Variants in VSTM2A observed in about 807,000 individuals in gnomAD.
VSTM2A encodes the protein V-set and transmembrane domain containing 2A, also known as V-set and transmembrane domain-containing protein 2A.
A neutral mutation model predicts 27.3 loss-of-function variants in VSTM2A; 13 were observed. The observed-to-expected ratio is 0.48, with a 90% CI of 0.31 to 0.76. The LOEUF is 0.76. Among genes scored for constraint, VSTM2A ranks in the 30% least tolerant of loss-of-function variants. The pLI is 0.05. For synonymous variants in VSTM2A, 142 were observed against 125.7 expected (o/e 1.13, Z -0.87); for missense variants, 280 against 310.0 (o/e 0.90, Z 0.73).
chr7:54,564,561 T>C (rs1300789625), intron 4 of VSTM2A, among the ~76,000 whole-genome samples: 1 of 152,226 alleles, frequency 6.6e-6, no homozygotes, highest in Middle Eastern at 3.2e-3. Flanking sequence ...AGTTGTTTAC[T>C]TAGTTTTCTC....
At chr7:54,546,067 A>C (rs1303435490) in intron 2 of VSTM2A, 3 of 122,724 alleles carry the variant, frequency 2.4e-5, no homozygotes, top group African/African-American at 9.5e-5. Flanking sequence ...AGAGGGAAGG[A>C]GAGGAAAAGG....
chr7:54,545,277 T>C (rs1403555831), intron 2 of VSTM2A, among the ~76,000 whole-genome samples: 1 of 147,778 alleles, frequency 6.8e-6, no homozygotes, highest in Non-Finnish European at 1.5e-5. Context: ...CTAACAGATA[T>C]GTGGGGTGTC....
chr7:54,544,047 G>C (rs889292943), intron 1 of VSTM2A, among the ~76,000 whole-genome samples: 1 of 152,304 alleles, frequency 6.6e-6, no homozygotes, highest in East Asian at 1.9e-4. Flanking sequence ...AACAAATAAA[G>C]GTTAATTTGG....
intron 3 of VSTM2A, among the ~76,000 whole-genome samples, chr7:54,548,401 A>G (rs140905375): frequency 6.6e-6 from 1 of 151,840 alleles, no homozygotes; most frequent in Non-Finnish European, 1.5e-5. Context: ...CTCAACCACT[A>G]GTTATTAACT....
At chr7:54,546,487 C>G (rs1222979994) in intron 2 of VSTM2A, among the ~76,000 whole-genome samples, 1 of 151,650 alleles carries the variant, frequency 6.6e-6, no homozygotes, top group African/African-American at 2.4e-5. Context: ...AAAATTCGTC[C>G]CGGAGCACTT....
chr7:54,567,269 T>C (rs2115946889), intron 4 of VSTM2A, among the ~76,000 whole-genome samples: 1 of 152,362 alleles, frequency 6.6e-6, no homozygotes, highest in Admixed American at 6.5e-5. Context: ...GTTGAATGAT[T>C]ACAATCTGAA....
rs1787816028 is a variant in VSTM2A at position 54,542,589 on chromosome 7, C to G, written c.-142C>G. On this transcript the variant is annotated 5_prime_UTR_variant, in exon 1 of 5. Transcript: ENST00000402613. Reference sequence around the variant, plus strand: ...AATCGCAATCCCTTCTCCCCACAGCCAGCCCTCGCCAAGCAAGCAGCAGGA... The same window carrying G: ...AATCGCAATCCCTTCTCCCCACAGCGAGCCCTCGCCAAGCAAGCAGCAGGA... The G allele has an allele frequency of 1.4e-6, 1 of 710,674 alleles. No individual in the cohort carries two copies. The highest frequency in any genetic ancestry group is 1.8e-5 in the African/African-American group (1 of 56,296). 44.0% of individuals were successfully genotyped at this position (710,674 alleles called of 1,614,324 possible).
chr7:54,546,875 G>A, intron 2 of VSTM2A, 72 bp from the exon 3 acceptor site: 1 of 1,584,298 alleles, frequency 6.3e-7, no homozygotes, highest in East Asian at 2.3e-5. Context: ...GAGCCGCGAA[G>A]GCTATGCTCG....
chr7:54,565,537 A>G (rs1442202826), intron 4 of VSTM2A, among the ~76,000 whole-genome samples: 2 of 152,214 alleles, frequency 1.3e-5, no homozygotes, highest in Non-Finnish European at 2.9e-5. Context: ...GAGCACTTCT[A>G]CCTGGCAGAC....
At chr7:54,549,355 G>T (rs1399636735) in intron 3 of VSTM2A, among the ~76,000 whole-genome samples, 1 of 152,224 alleles carries the variant, frequency 6.6e-6, no homozygotes, top group Non-Finnish European at 1.5e-5. Context: ...TCATCCCAGT[G>T]TGGGGATACA....
At chr7:54,556,514 G>A (rs1161598177) in intron 4 of VSTM2A, among the ~76,000 whole-genome samples, 1 of 152,144 alleles carries the variant, frequency 6.6e-6, no homozygotes, top group Non-Finnish European at 1.5e-5. Context: ...CTGCTTTGAG[G>A]TAGAGTCAGT....
intron 4 of VSTM2A, among the ~76,000 whole-genome samples, chr7:54,567,594 T>G (rs1011206980): frequency 2.6e-5 from 4 of 152,194 alleles, no homozygotes; most frequent in African/African-American, 9.7e-5. Context: ...GCAATGCCCA[T>G]GCTGAAAAGA....
intron 2 of VSTM2A, among the ~76,000 whole-genome samples, chr7:54,545,339 G>C (rs1254775750): frequency 1.3e-5 from 2 of 149,924 alleles, no homozygotes; most frequent in East Asian, 4.0e-4. Context: ...GGGAGAGAAG[G>C]AGAGAAGAAA....
At position 54,569,522 on chromosome 7, in the gene VSTM2A, G is replaced by T. The variant is rs1788826962; in HGVS notation, c.*303G>T. ...TCAGGAAGCAAACAGAGATCAAAAG[G>T]CTACAGAACAGAAGCTATCATCAGA... On this transcript the variant is annotated 3_prime_UTR_variant, in exon 5 of 5. Transcript: ENST00000402613. The T allele has an allele frequency of 5.5e-6, 2 of 361,918 alleles. No individual in the cohort carries two copies. Among genetic ancestry groups the T allele is most frequent in the Non-Finnish European group, 5.0e-6 (1 of 198,796 alleles). 22.4% of individuals were successfully genotyped at this position (361,918 alleles called of 1,614,324 possible).
chr7:54,566,149 G>T (rs930281706), intron 4 of VSTM2A, among the ~76,000 whole-genome samples: 1 of 152,178 alleles, frequency 6.6e-6, no homozygotes, highest in African/African-American at 2.4e-5. Flanking sequence ...AATAGATGTC[G>T]AAGGACGTTA....
chr7:54,548,310 T>A (rs908720812), intron 3 of VSTM2A, among the ~76,000 whole-genome samples: 1 of 152,094 alleles, frequency 6.6e-6, no homozygotes, highest in East Asian at 1.9e-4. Context: ...AGTTAATGAG[T>A]AGAAGAGAGT....
intron 4 of VSTM2A, chr7:54,553,803 C>G: frequency 6.5e-7 from 1 of 1,543,840 alleles, no homozygotes; most frequent in Non-Finnish European, 8.7e-7. Context: ...CGCCCCTCCA[C>G]CATGCCCCCA....
chr7:54,567,137 T>C (rs1031082762), intron 4 of VSTM2A, among the ~76,000 whole-genome samples: 1 of 152,204 alleles, frequency 6.6e-6, no homozygotes, highest in East Asian at 1.9e-4. Context: ...CAATCAGTGA[T>C]TTGATGACAA....
chr7:54,554,431 C>T (rs1788287394), intron 4 of VSTM2A, among the ~76,000 whole-genome samples: 1 of 152,282 alleles, frequency 6.6e-6, no homozygotes, highest in Admixed American at 6.5e-5. Context: ...TGACTCATTT[C>T]TGTAGATCCA....
Sources: gnomAD v4.1 joint callset for allele counts (sites outside exome capture counted in the v4.1 genomes callset) on GRCh38, gnomAD v4.1.1 for gene constraint, MANE v1.5 for transcripts, NCBI Gene and HGNC (gene_info 2026-07-23, HGNC 2026-07-21) for gene names.